The following CACNA2D1 variants were observed in gnomAD, a reference collection of about 807,000 sequenced individuals.
The protein encoded by CACNA2D1 is calcium voltage-gated channel auxiliary subunit alpha2delta 1.
CACNA2D1 carries 53 observed loss-of-function variants against 171.5 expected under a neutral mutation model. The ratio of observed to expected loss-of-function variants is 0.31; its 90% CI spans 0.25 to 0.39. The LOEUF (loss-of-function observed/expected upper bound fraction) is 0.39, where lower values mean the gene tolerates loss of function less well. CACNA2D1 is among the 10% of genes least tolerant of loss of function. The pLI is 1.00. For synonymous variants in CACNA2D1, 442 were observed against 443.1 expected (o/e 1.00, Z 0.03); for missense variants, 903 against 1,299.8 (o/e 0.69, Z 4.69).
intron 6 of CACNA2D1, among the ~76,000 whole-genome samples, chr7:82,108,218 G>C (rs1173687676): frequency 1.3e-5 from 2 of 152,122 alleles, no homozygotes; most frequent in African/African-American, 4.8e-5. Flanking sequence ...ATACATATAT[G>C]AAAAATATTG....
chr7:81,980,458 A>G (rs37087), intron 24 of CACNA2D1, among the ~76,000 whole-genome samples: 101,422 of 151,984 alleles, frequency 0.67, 34,031 homozygotes, highest in African/African-American at 0.74. Flanking sequence ...TTGATGGTCC[A>G]TAGTTTAGAG....
chr7:81,980,200 A>AAAAAG (rs1796312640), intron 24 of CACNA2D1, among the ~76,000 whole-genome samples: 1 of 136,806 alleles, frequency 7.3e-6, no homozygotes, highest in African/African-American at 2.7e-5. Flanking sequence ...AAAAAAAAAA[A>AAAAAG]GAAAGTGCAT....
chr7:82,221,835 T>A (rs1433592090), intron 3 of CACNA2D1, among the ~76,000 whole-genome samples: 1 of 150,806 alleles, frequency 6.6e-6, no homozygotes. Context: ...AGATAAGTAA[T>A]AAAATATTTT....
chr7:81,988,609 T>A (rs549363562), intron 21 of CACNA2D1, among the ~76,000 whole-genome samples: 2 of 152,200 alleles, frequency 1.3e-5, no homozygotes, highest in African/African-American at 4.8e-5. Flanking sequence ...TAACTGTATA[T>A]TAATATGTAG....
intron 3 of CACNA2D1, among the ~76,000 whole-genome samples, chr7:82,251,568 T>A (rs930094660): frequency 7.2e-5 from 11 of 152,186 alleles, no homozygotes; most frequent in Non-Finnish European, 8.8e-5. Context: ...AAGCAATTAC[T>A]CCACTGGTTA....
chr7:82,054,759 C>T (rs2282937), intron 10 of CACNA2D1, among the ~76,000 whole-genome samples: 26,256 of 152,014 alleles, frequency 0.17, 3,770 homozygotes, highest in African/African-American at 0.39. Flanking sequence ...CCTGGGGGCA[C>T]AGTCATCACT....
chr7:82,128,305 G>A (rs570117104), intron 5 of CACNA2D1, among the ~76,000 whole-genome samples: 12 of 152,172 alleles, frequency 7.9e-5, no homozygotes, highest in South Asian at 2.1e-4. Flanking sequence ...TTATACAATC[G>A]TAAGGAGACA....
At chr7:82,375,325 G>C (rs1231785191) in intron 1 of CACNA2D1, among the ~76,000 whole-genome samples, 1 of 152,148 alleles carries the variant, frequency 6.6e-6, no homozygotes, top group Non-Finnish European at 1.5e-5. Context: ...TTCTAGAGAT[G>C]ACATTGTCAT....
intron 22 of CACNA2D1, among the ~76,000 whole-genome samples, chr7:81,984,209 AAAAT>A (rs1297923133): frequency 1.3e-5 from 2 of 152,226 alleles, no homozygotes; most frequent in Admixed American, 6.5e-5. Context: ...GGCCAAATGC[AAAAT>A]AAATAAATAA....
At chr7:82,109,050 C>T (rs1039314891) in intron 6 of CACNA2D1, among the ~76,000 whole-genome samples, 2 of 151,814 alleles carry the variant, frequency 1.3e-5, no homozygotes, top group African/African-American at 4.8e-5. Context: ...GAGTCAGAAT[C>T]AAGACTTTAT....
chr7:81,965,657 A>C lies in CACNA2D1; in HGVS notation c.2511T>G (p.Asp837Glu). The C allele has an allele frequency of 6.3e-7, 1 of 1,584,026 alleles. No individual in the cohort carries two copies. Among genetic ancestry groups the C allele is most frequent in the Non-Finnish European group, 8.7e-7 (1 of 1,153,454 alleles). Residue 837 changes from aspartate (D) to glutamate (E), a missense_variant, in exon 32 of 39, where the codon GAT (aspartate) becomes GAG (glutamate). Around this residue, in one of 5 missense-constraint regions of CACNA2D1, gnomAD observed 623 missense variants for 925.5 expected, o/e 0.67. Coordinates refer to ENST00000356860, the MANE Select transcript of CACNA2D1 (RefSeq NM_000722.4). ...ACCCACCATCATCCAGAATCACACA[A>C]TCCATTACCTATCAAAATAAAGTGA... ...CDCKRNSDVM[D>E]CVILDDGGFL... is the part of the protein sequence containing the mutation.
chr7:81,986,891 T>A (rs369890610), intron 21 of CACNA2D1, among the ~76,000 whole-genome samples: 2 of 152,176 alleles, frequency 1.3e-5, no homozygotes, highest in African/African-American at 4.8e-5. Context: ...GCACTGAAGA[T>A]TGTCTCCCAG....
At chr7:82,261,481 C>T (rs1391843520) in intron 3 of CACNA2D1, among the ~76,000 whole-genome samples, 2 of 152,140 alleles carry the variant, frequency 1.3e-5, no homozygotes, top group Non-Finnish European at 2.9e-5. Context: ...GTAAAGTCTG[C>T]TTTCAGGTAC....
At chr7:81,983,655 T>C (rs1796663064) in intron 22 of CACNA2D1, among the ~76,000 whole-genome samples, 1 of 152,156 alleles carries the variant, frequency 6.6e-6, no homozygotes, top group African/African-American at 2.4e-5. Context: ...AATCAAAGAC[T>C]CACGAGTTAT....
chr7:81,989,710 T>G (rs1797337375), intron 21 of CACNA2D1, among the ~76,000 whole-genome samples: 1 of 152,186 alleles, frequency 6.6e-6, no homozygotes, highest in African/African-American at 2.4e-5. Context: ...TGCAGTGTGG[T>G]GTGGCTAATA....
At chr7:82,441,026 C>T (rs979931151) in intron 1 of CACNA2D1, among the ~76,000 whole-genome samples, 2 of 151,318 alleles carry the variant, frequency 1.3e-5, no homozygotes, top group African/African-American at 4.8e-5. Flanking sequence ...CATACAGAAG[C>T]ATAATAATTT....
Position 81,947,921 on chromosome 7 carries a change from T to C in CACNA2D1, c.*2471A>G, listed in dbSNP as rs923707429. ...TAATATATAACTTTATAGCAGAAAA[T>C]AAAGGTTTATAGCAAAACTCATGCA... On this transcript the variant is annotated 3_prime_UTR_variant, in exon 39 of 39. Transcript: ENST00000356860. 5 of 151,748 alleles carry C rather than the reference T, an allele frequency of 3.3e-5. No individual in the cohort carries two copies. The highest frequency in any genetic ancestry group is 3.3e-4 in the Admixed American group (5 of 15,218). 9.4% of individuals were successfully genotyped at this position (151,748 alleles called of 1,614,324 possible).
intron 38 of CACNA2D1, 94 bp downstream of exon 38, chr7:81,959,181 C>T (rs1184237869): frequency 1.3e-5 from 11 of 854,910 alleles, no homozygotes; most frequent in Middle Eastern, 2.2e-4. Context: ...TAAGACATTA[C>T]GTTTGAGTTA....
chr7:82,033,953 G>A (rs1437251712), intron 11 of CACNA2D1, among the ~76,000 whole-genome samples: 1 of 152,040 alleles, frequency 6.6e-6, no homozygotes, highest in Non-Finnish European at 1.5e-5. Context: ...AATATAACAT[G>A]AGCCTCATAT....
Sources: allele counts gnomAD v4.1 joint callset (sites outside exome capture counted in the v4.1 genomes callset), GRCh38; gene constraint gnomAD v4.1.1; regional missense constraint gnomAD v4.1.1; transcripts MANE v1.5; gene names NCBI Gene and HGNC (gene_info 2026-07-23, HGNC 2026-07-21).